Variants in NBEAL1 observed in about 807,000 individuals in gnomAD.
NBEAL1 encodes neurobeachin-like protein 1.
In NBEAL1, 273 loss-of-function variants were observed where a neutral mutation model predicts 351.3. The ratio of observed to expected loss-of-function variants is 0.78; its 90% confidence interval spans 0.70 to 0.86. The LOEUF (loss-of-function observed/expected upper bound fraction) is 0.86. NBEAL1 is among the 40% of genes least tolerant of loss of function. The pLI, the probability that NBEAL1 is intolerant of heterozygous loss-of-function variation, is 0.00. For missense variants in NBEAL1, 2,961 were observed against 3,201.3 expected (o/e 0.92, Z 1.81); for synonymous variants, 1,050 against 1,086.4 (o/e 0.97, Z 0.66).
chr2:203,028,455 G>A (rs1400568314), intron 2 of NBEAL1, among the ~76,000 whole-genome samples: 3 of 151,870 alleles, frequency 2.0e-5, no homozygotes, highest in South Asian at 2.1e-4. Flanking sequence ...GTCAGTTACA[G>A]AAAATCTCAT....
intron 24 of NBEAL1, among the ~76,000 whole-genome samples, 199 bp from the exon 25 acceptor site, chr2:203,130,119 G>A (rs1160712426): frequency 6.6e-6 from 1 of 152,110 alleles, no homozygotes; most frequent in African/African-American, 2.4e-5. Flanking sequence ...CTGTGATCAC[G>A]CCACTGCACT....
chr2:203,042,465 C>A (rs1559326746), intron 3 of NBEAL1, among the ~76,000 whole-genome samples: 1 of 152,102 alleles, frequency 6.6e-6, no homozygotes, highest in Non-Finnish European at 1.5e-5. Context: ...TTTTGGGTGT[C>A]CAGAGTTTTA....
chr2:203,109,327 C>T (rs1305493662), intron 14 of NBEAL1, among the ~76,000 whole-genome samples: 1 of 151,754 alleles, frequency 6.6e-6, no homozygotes, highest in African/African-American at 2.4e-5. Context: ...CCACTGTGCT[C>T]CAGCCTGGGC....
At chr2:203,204,936 A>G (rs2065510590) in intron 51 of NBEAL1, among the ~76,000 whole-genome samples, 1 of 152,144 alleles carries the variant, frequency 6.6e-6, no homozygotes, top group Non-Finnish European at 1.5e-5. Flanking sequence ...AAGGTAGATA[A>G]TACAATCATG....
At chr2:203,181,651 A>G (rs945597036) in intron 43 of NBEAL1, 3 of 152,174 alleles carry the variant, frequency 2.0e-5, no homozygotes, top group Admixed American at 1.3e-4. Context: ...ATGTAATGTT[A>G]GTGTTTGACC....
At position 203,151,525 on chromosome 2, in the gene NBEAL1, T is replaced by C. The variant is rs2063652086; in HGVS notation, c.5523T>C (p.Leu1841=). ...ANVENYSRMR[L]KLVPNYNFKT... ...TAGAGAATTATTCCCGCATGAGACT[T>C]AAGCTGGTACCGAATTATAATTTCA... The change falls in exon 35 of 56, where the codon CTT becomes CTC. Residue 1841 remains leucine (L), a synonymous_variant. Transcript: ENST00000683969. 6.2e-7 allele frequency: 1 copy of C among 1,610,868 alleles called. No individual in the cohort carries two copies.
At position 203,125,447 on chromosome 2, in the gene NBEAL1, T is replaced by A; in HGVS notation, c.2778T>A (p.Asn926Lys). Reference protein sequence around the residue: ...FSEGQIPEEKNESTVPESVTP... With the variant: ...FSEGQIPEEKKESTVPESVTP... The stretch of plus-strand genomic sequence containing the variant: ...AAGGACAGATTCCTGAAGAAAAGAA[T>A]GAAAGCACAGTTCCTGAATCAGTAA... Residue 926 changes from asparagine (N) to lysine (K), a missense_variant, in exon 20 of 56, where the codon AAT becomes AAA. Transcript: ENST00000683969. The A allele has an allele frequency of 6.5e-7, 1 of 1,547,180 alleles. No homozygotes were observed. The highest frequency in any genetic ancestry group is 2.4e-5 in the East Asian group (1 of 40,960).
In NBEAL1 at chr2:203,214,141, A is replaced by G. The variant is rs530547664; in HGVS notation, c.8070+488A>G. 5.9e-5 allele frequency among the ~76,000 whole-genome samples: 9 copies of G among 152,374 alleles called. No homozygotes were observed. The East Asian group carries it at 1.5e-3, about 26-fold the overall frequency. On this transcript the variant is annotated intron_variant, in intron 55 of 55. Coordinates refer to ENST00000683969, the MANE Select transcript of NBEAL1 (RefSeq NM_001378026.1). ...AAATTTACTTGCTAATGATTTATCA[A>G]TTATTGAATATTCAGATATCATAAA...
intron 12 of NBEAL1, among the ~76,000 whole-genome samples, chr2:203,101,423 C>A (rs1240942623): frequency 6.6e-6 from 1 of 152,108 alleles, no homozygotes; most frequent in Non-Finnish European, 1.5e-5. Context: ...AGTTTGAAGT[C>A]AGGTAATGTG....
chr2:203,187,765 G>C (rs2064950003), intron 44 of NBEAL1, among the ~76,000 whole-genome samples: 2 of 151,550 alleles, frequency 1.3e-5, no homozygotes, highest in Non-Finnish European at 2.9e-5. Flanking sequence ...AAATCAAATA[G>C]TTCACTTTTT....
chr2:203,051,888 TTA>T (rs2061330022), intron 4 of NBEAL1, among the ~76,000 whole-genome samples: 1 of 152,142 alleles, frequency 6.6e-6, no homozygotes, highest in Admixed American at 6.6e-5. Flanking sequence ...TTAATAAACT[TTA>T]TGTTTTAGAG....
At chr2:203,048,534 C>T (rs2061268871) in intron 3 of NBEAL1, among the ~76,000 whole-genome samples, 1 of 152,208 alleles carries the variant, frequency 6.6e-6, no homozygotes, top group East Asian at 1.9e-4. Context: ...AGTGACCTTC[C>T]ATACATCTCT....
At chr2:203,138,076 C>A in intron 29 of NBEAL1, 86 bp from the exon 30 acceptor site, 1 of 1,207,962 alleles carries the variant, frequency 8.3e-7, no homozygotes, top group South Asian at 1.4e-5. Context: ...ACAGTGCTGC[C>A]TCTCAAGCTA....
chr2:203,095,224 G>C (rs555690929), intron 10 of NBEAL1, among the ~76,000 whole-genome samples: 13 of 152,300 alleles, frequency 8.5e-5, no homozygotes, highest in Admixed American at 8.5e-4. Context: ...TAAAATCTTG[G>C]TGTTTTTGAC....
At chr2:203,105,010 C>T (rs902440355) in intron 12 of NBEAL1, among the ~76,000 whole-genome samples, 9 of 152,004 alleles carry the variant, frequency 5.9e-5, no homozygotes, top group South Asian at 2.1e-4. Context: ...CAGGTGCTTG[C>T]CACCACGCCT....
chr2:203,194,808 G>A (rs1043313917), intron 47 of NBEAL1, among the ~76,000 whole-genome samples: 4 of 152,126 alleles, frequency 2.6e-5, no homozygotes, highest in African/African-American at 7.2e-5. Context: ...TATCACTGCA[G>A]CGTGTTTCTC....
chr2:203,114,853 G>A (rs1386186638), intron 17 of NBEAL1, among the ~76,000 whole-genome samples: 2 of 113,298 alleles, frequency 1.8e-5, no homozygotes, highest in East Asian at 2.2e-4. Context: ...CTGGGTTCAA[G>A]TGTTTCTTGT....
chr2:203,206,671 T>C (rs537421954), intron 51 of NBEAL1, among the ~76,000 whole-genome samples: 1 of 152,082 alleles, frequency 6.6e-6, no homozygotes, highest in African/African-American at 2.4e-5. Flanking sequence ...TCCGCCAGCC[T>C]CGGCCTCCCG....
chr2:203,138,130 A>G (rs370283033), intron 29 of NBEAL1, 32 bp from the exon 30 acceptor site: 262 of 1,607,940 alleles, frequency 1.6e-4, no homozygotes, highest in Non-Finnish European at 1.9e-4. Flanking sequence ...TAAGCTCACA[A>G]TGGTTTTAAG....
Sources: gnomAD v4.1 joint callset for allele counts (sites outside exome capture counted in the v4.1 genomes callset) on GRCh38, gnomAD v4.1.1 for gene constraint, MANE v1.5 for transcripts, NCBI Gene and HGNC (gene_info 2026-07-23, HGNC 2026-07-21) for gene names.